Variants in RIMS1 observed in about 807,000 individuals in gnomAD.
The protein encoded by RIMS1 is regulating synaptic membrane exocytosis 1.
Under a neutral mutation model 214.1 loss-of-function variants are expected in RIMS1, and 83 were observed. That is an observed-to-expected ratio of 0.39 (90% CI 0.32 to 0.47). The LOEUF is 0.47. Among genes scored for constraint, RIMS1 ranks in the 20% least tolerant of loss-of-function variants. The pLI, the probability that RIMS1 is intolerant of heterozygous loss-of-function variation, is 0.99. For missense variants in RIMS1, 2,050 were observed against 2,161.8 expected (o/e 0.95, Z 1.03); for synonymous variants, 793 against 786.8 (o/e 1.01, Z -0.13).
intron 1 of RIMS1, among the ~76,000 whole-genome samples, chr6:71,927,957 A>G (rs1225292206): frequency 6.6e-6 from 1 of 152,134 alleles, no homozygotes; most frequent in Admixed American, 6.5e-5. Context: ...GAGTCTTCAT[A>G]TTTTTCATAA....
intron 2 of RIMS1, among the ~76,000 whole-genome samples, chr6:71,978,361 A>G (rs1201015581): frequency 6.6e-6 from 1 of 152,168 alleles, no homozygotes; most frequent in Non-Finnish European, 1.5e-5. Context: ...GTAAAATTGA[A>G]TAAAAATTGA....
chr6:72,343,415 ATT>A (rs1044985382), intron 29 of RIMS1, among the ~76,000 whole-genome samples: 3 of 149,606 alleles, frequency 2.0e-5, no homozygotes, highest in Admixed American at 1.3e-4. Flanking sequence ...CTGCTCTTTC[ATT>A]CTTATCTATT....
chr6:72,125,937 C>G (rs537737330), intron 4 of RIMS1, among the ~76,000 whole-genome samples: 6 of 152,166 alleles, frequency 3.9e-5, no homozygotes, highest in Non-Finnish European at 8.8e-5. Flanking sequence ...TGACCCCTTG[C>G]GCTTCCTGGG....
chr6:72,256,311 G>C (rs2075847354), intron 16 of RIMS1, among the ~76,000 whole-genome samples: 1 of 152,060 alleles, frequency 6.6e-6, no homozygotes. Context: ...ATTGCCGTCA[G>C]TATACTTTTT....
intron 1 of RIMS1, among the ~76,000 whole-genome samples, chr6:71,959,226 G>A (rs1019843791): frequency 2.6e-5 from 4 of 152,006 alleles, no homozygotes; most frequent in Admixed American, 2.6e-4. Flanking sequence ...AACTTTCTAG[G>A]CAGGTGAATC....
intron 1 of RIMS1, among the ~76,000 whole-genome samples, chr6:71,932,870 A>G (rs1283379095): frequency 1.3e-5 from 2 of 152,004 alleles, no homozygotes; most frequent in African/African-American, 2.4e-5. Context: ...ATAAAAAAAG[A>G]TAGAGGAGCA....
intron 2 of RIMS1, among the ~76,000 whole-genome samples, chr6:72,054,622 A>T (rs1421253872): frequency 6.6e-6 from 1 of 152,004 alleles, no homozygotes; most frequent in African/African-American, 2.4e-5. Flanking sequence ...TGCCATTCTG[A>T]CTGGCATGAG....
chr6:72,314,697 T>C (rs1184173826), intron 28 of RIMS1, among the ~76,000 whole-genome samples: 1 of 152,160 alleles, frequency 6.6e-6, no homozygotes, highest in Admixed American at 6.5e-5. Context: ...AGCTCAAGAA[T>C]GTAGCCATAT....
intron 1 of RIMS1, among the ~76,000 whole-genome samples, chr6:71,910,357 T>C (rs970077545): frequency 4.7e-4 from 72 of 152,292 alleles, no homozygotes; most frequent in African/African-American, 1.7e-3. Flanking sequence ...CAGCAAAATA[T>C]TGTGCATTCT....
In RIMS1 at chr6:72,400,812, A is replaced by G; in HGVS notation, c.*98A>G. 4 of 995,010 alleles carry G rather than the reference A, an allele frequency of 4.0e-6. No homozygotes were observed. The highest frequency in any genetic ancestry group is 1.7e-5 in the South Asian group (1 of 59,006). 61.6% of individuals were successfully genotyped at this position (995,010 alleles called of 1,614,324 possible). On this transcript the variant is annotated 3_prime_UTR_variant, in exon 34 of 34. Transcript: ENST00000521978. ...TCGAAAGCATTGTTGGAGACAGACAATCAACTTGTGTTTTGCCTGTAGTAG... is the reference window on the plus strand; with the variant it reads ...TCGAAAGCATTGTTGGAGACAGACAGTCAACTTGTGTTTTGCCTGTAGTAG...
chr6:71,911,117 C>T (rs1004718948), intron 1 of RIMS1, among the ~76,000 whole-genome samples: 13 of 152,122 alleles, frequency 8.5e-5, no homozygotes, highest in Admixed American at 3.9e-4. Context: ...CATCATAGTA[C>T]GTCCCACACA....
At chr6:72,219,111 A>T (rs979426421) in intron 6 of RIMS1, among the ~76,000 whole-genome samples, 2 of 152,182 alleles carry the variant, frequency 1.3e-5, no homozygotes, top group African/African-American at 4.8e-5. Flanking sequence ...ATTCTCCCCT[A>T]TCCTTCCCCA....
At chr6:72,280,769 A>G (rs1297422700) in intron 23 of RIMS1, among the ~76,000 whole-genome samples, 1 of 152,084 alleles carries the variant, frequency 6.6e-6, no homozygotes, top group Non-Finnish European at 1.5e-5. Context: ...TCTAAGTTTT[A>G]TATTTTTATA....
intron 6 of RIMS1, among the ~76,000 whole-genome samples, chr6:72,227,378 T>C (rs1337739799): frequency 1.3e-5 from 2 of 151,952 alleles, no homozygotes; most frequent in Non-Finnish European, 2.9e-5. Context: ...TAATGCAGTT[T>C]CGTGCACATT....
At chr6:72,292,269 G>A (rs774808830) in intron 26 of RIMS1, among the ~76,000 whole-genome samples, 7 of 151,938 alleles carry the variant, frequency 4.6e-5, no homozygotes, top group Non-Finnish European at 8.8e-5. Flanking sequence ...AATTTTAGAT[G>A]GTCATTTAAC....
At chr6:72,135,741 A>G (rs1259768455) in intron 4 of RIMS1, among the ~76,000 whole-genome samples, 1 of 152,192 alleles carries the variant, frequency 6.6e-6, no homozygotes, top group Non-Finnish European at 1.5e-5. Flanking sequence ...AAAAATTGAG[A>G]AATGTTTTTG....
At chr6:71,995,082 T>TATC (rs1430971861) in intron 2 of RIMS1, among the ~76,000 whole-genome samples, 1 of 112,500 alleles carries the variant, frequency 8.9e-6, no homozygotes, top group African/African-American at 3.4e-5. Flanking sequence ...ACACTCTTTC[T>TATC]ATCATGAAGG....
At chr6:72,108,615 T>G (rs2035287061) in intron 4 of RIMS1, among the ~76,000 whole-genome samples, 1 of 152,086 alleles carries the variant, frequency 6.6e-6, no homozygotes, top group Non-Finnish European at 1.5e-5. Context: ...TACATGTATC[T>G]CATTTTTCCC....
At chr6:72,004,467 G>C (rs1166836349) in intron 2 of RIMS1, among the ~76,000 whole-genome samples, 18 of 151,762 alleles carry the variant, frequency 1.2e-4, no homozygotes, top group African/African-American at 3.1e-4. Flanking sequence ...AATGGTTGAA[G>C]TAGTTTACAG....
Sources: gnomAD v4.1 joint callset for allele counts (sites outside exome capture counted in the v4.1 genomes callset) on GRCh38, gnomAD v4.1.1 for gene constraint, MANE v1.5 for transcripts, NCBI Gene and HGNC (gene_info 2026-07-23, HGNC 2026-07-21) for gene names.